Variants in STK24 observed in about 807,000 individuals in gnomAD.
STK24 encodes serine/threonine-protein kinase 24.
Under a neutral mutation model 55.6 loss-of-function variants are expected in STK24, and 21 were observed. The ratio of observed to expected loss-of-function variants is 0.38; its 90% CI spans 0.27 to 0.54. The LOEUF (loss-of-function observed/expected upper bound fraction) is 0.54, where lower values mean the gene tolerates loss of function less well. STK24 is among the 20% of genes least tolerant of loss of function. The probability of loss-of-function intolerance (pLI) is 0.79; values close to 1 mark genes in which losing one functional copy is unlikely to be tolerated. For synonymous variants in STK24, 200 were observed against 215.2 expected (o/e 0.93, Z 0.62); for missense variants, 383 against 538.4 (o/e 0.71, Z 2.86).
intron 1 of STK24, among the ~76,000 whole-genome samples, chr13:98,565,631 C>CA (rs397851778): frequency 0.37 from 42,900 of 116,994 alleles, 8,164 homozygotes; most frequent in East Asian, 0.68. Context: ...GACTCCATCT[C>CA]AAAAAAAAAA....
intron 3 of STK24, among the ~76,000 whole-genome samples, chr13:98,477,218 T>C (rs1259615029): frequency 2.0e-5 from 3 of 152,246 alleles, no homozygotes; most frequent in Non-Finnish European, 4.4e-5. Context: ...ACATCTATTT[T>C]TCAGTGTTCA....
intron 2 of STK24, among the ~76,000 whole-genome samples, chr13:98,490,813 G>T (rs1264618165): frequency 6.7e-6 from 1 of 150,232 alleles, no homozygotes; most frequent in Non-Finnish European, 1.5e-5. Flanking sequence ...CACTCCCATA[G>T]GGAAGGCAGC....
chr13:98,561,900 C>A (rs1293951118), intron 1 of STK24, among the ~76,000 whole-genome samples: 5 of 150,296 alleles, frequency 3.3e-5, no homozygotes, highest in African/African-American at 4.9e-5. Flanking sequence ...TCGCTTGAAC[C>A]CGGGAGGTGG....
rs556330879 is a variant in STK24 at position 98,573,200 on chromosome 13, A to G, written c.42+3545T>C. 9.7e-4 allele frequency among the ~76,000 whole-genome samples: 148 copies of G among 152,362 alleles called. 2 individuals carry two copies. In the South Asian group the frequency reaches 0.015, roughly 16 times the overall value. ...CTTGTTTTTGATCCTGATGTAAAATATATTTCTTACATGGGTCACGGTTCA... is the reference window on the plus strand; with the variant it reads ...CTTGTTTTTGATCCTGATGTAAAATGTATTTCTTACATGGGTCACGGTTCA... On this transcript the variant is annotated intron_variant, in intron 1 of 10. Transcript: ENST00000539966.
intron 1 of STK24, chr13:98,542,752 G>A (rs1896923257): frequency 1.2e-6 from 1 of 843,534 alleles, no homozygotes; most frequent in Admixed American, 6.2e-5. Context: ...GCAGCCCACA[G>A]CCCTAGAAAG....
At chr13:98,462,209 C>T (rs1319441704) in intron 7 of STK24, among the ~76,000 whole-genome samples, 3 of 152,172 alleles carry the variant, frequency 2.0e-5, no homozygotes, top group Non-Finnish European at 4.4e-5. Flanking sequence ...GGGACATCAG[C>T]TTCTCTCTGC....
At chr13:98,528,068 GCTGAC>G (rs1357459030) in intron 1 of STK24, among the ~76,000 whole-genome samples, 1 of 152,052 alleles carries the variant, frequency 6.6e-6, no homozygotes, top group Non-Finnish European at 1.5e-5. Flanking sequence ...TCTCCATCAG[GCTGAC>G]CCCTGGGTTC....
Position 98,554,220 on chromosome 13 carries a change from G to A in STK24, c.42+22525C>T, listed in dbSNP as rs1421743886. Among the ~76,000 whole-genome samples the A allele has an allele frequency of 3.9e-5, 6 of 152,102 alleles. No individual in the cohort carries two copies. In the East Asian group the frequency reaches 9.6e-4, roughly 24 times the overall value. Reference sequence around the variant, plus strand: ...AAGAAAAAAACTGAAATACAAGGCTGTGAAAAAATAACAACAAACGTCCTC... The same window carrying A: ...AAGAAAAAAACTGAAATACAAGGCTATGAAAAAATAACAACAAACGTCCTC... On this transcript the variant is annotated intron_variant, in intron 1 of 10. Transcript: ENST00000539966.
At chr13:98,498,440 G>C (rs1895329285) in intron 2 of STK24, among the ~76,000 whole-genome samples, 1 of 152,208 alleles carries the variant, frequency 6.6e-6, no homozygotes, top group Non-Finnish European at 1.5e-5. Flanking sequence ...GCAAAGCCAG[G>C]ACCTCATCCT....
At chr13:98,475,837 G>A (rs1894349947) in intron 3 of STK24, among the ~76,000 whole-genome samples, 2 of 152,128 alleles carry the variant, frequency 1.3e-5, no homozygotes, top group Admixed American at 6.5e-5. Flanking sequence ...CCTAACATAT[G>A]TGGTTCCCTT....
At chr13:98,464,812 T>C (rs769220734) in intron 6 of STK24, among the ~76,000 whole-genome samples, 2 of 152,188 alleles carry the variant, frequency 1.3e-5, no homozygotes, top group Non-Finnish European at 2.9e-5. Flanking sequence ...GTTAACTTTC[T>C]GTATTAACGT....
At chr13:98,563,150 C>T (rs1382417208) in intron 1 of STK24, among the ~76,000 whole-genome samples, 2 of 152,034 alleles carry the variant, frequency 1.3e-5, no homozygotes, top group African/African-American at 4.8e-5. Flanking sequence ...GTTGTTTAAA[C>T]TATGTGATCA....
chr13:98,465,428 C>A (rs1893890594), intron 6 of STK24, among the ~76,000 whole-genome samples: 1 of 152,246 alleles, frequency 6.6e-6, no homozygotes, highest in South Asian at 2.1e-4. Context: ...GACATGCCTG[C>A]ACACATCTCC....
At position 98,453,221 on chromosome 13, in the gene STK24, G is replaced by C. The variant is rs113209502; in HGVS notation, c.1260-12C>G. On this transcript the variant is annotated splice_polypyrimidine_tract_variant and intron_variant, in intron 10 of 10. Transcript: ENST00000539966. Reference sequence around the variant, plus strand: ...CACTTAGAGAGTATCTAGGGAAAAAGAGAGAGAGAGAAGTCAACACATGTC... The same window carrying C: ...CACTTAGAGAGTATCTAGGGAAAAACAGAGAGAGAGAAGTCAACACATGTC... 3.3e-6 allele frequency: 5 copies of C among 1,513,746 alleles called. No individual in the cohort carries two copies. The highest frequency in any genetic ancestry group is 3.6e-6 in the Non-Finnish European group (4 of 1,109,952). 93.8% of individuals were successfully genotyped at this position (1,513,746 alleles called of 1,614,324 possible).
intron 1 of STK24, among the ~76,000 whole-genome samples, chr13:98,533,516 G>A (rs1896634225): frequency 1.3e-5 from 2 of 151,562 alleles, no homozygotes; most frequent in Admixed American, 6.6e-5. Context: ...AGGGCTTCGT[G>A]ACTCAAGCCT....
Position 98,450,402 on chromosome 13 carries a change from A to G in STK24, c.*2771T>C, listed in dbSNP as rs1481829547. The G allele has an allele frequency of 5.3e-5, 8 of 152,230 alleles. No homozygotes were observed. 9.4% of individuals were successfully genotyped at this position (152,230 alleles called of 1,614,324 possible). On this transcript the variant is annotated 3_prime_UTR_variant, in exon 11 of 11. Coordinates refer to ENST00000539966, the MANE Select transcript of STK24 (RefSeq NM_001032296.4). ...GGTACAAAATGCTACATACAGAACC[A>G]AACCAGCCACTTCACAAGAGCAATG...
intron 2 of STK24, among the ~76,000 whole-genome samples, chr13:98,513,306 T>C (rs1895948093): frequency 1.3e-5 from 2 of 152,170 alleles, no homozygotes; most frequent in Admixed American, 6.5e-5. Context: ...AGAAACACCA[T>C]TACTTAAACC....
chr13:98,480,930 G>C (rs1894557957), intron 3 of STK24, among the ~76,000 whole-genome samples: 1 of 152,190 alleles, frequency 6.6e-6, no homozygotes, highest in African/African-American at 2.4e-5. Context: ...TCCTTAATGA[G>C]TAATACCCGT....
chr13:98,516,817 A>G (rs1896081183), intron 2 of STK24, among the ~76,000 whole-genome samples: 1 of 152,254 alleles, frequency 6.6e-6, no homozygotes, highest in African/African-American at 2.4e-5. Context: ...ATGAGTCGTT[A>G]CACATTTAAG....
Sources: allele counts gnomAD v4.1 joint callset (sites outside exome capture counted in the v4.1 genomes callset), GRCh38; gene constraint gnomAD v4.1.1; transcripts MANE v1.5; gene names NCBI Gene and HGNC (gene_info 2026-07-23, HGNC 2026-07-21).